The following HERC1 variants were observed in gnomAD, a reference collection of about 807,000 sequenced individuals.
HERC1 encodes the protein probable E3 ubiquitin-protein ligase HERC1.
A neutral mutation model predicts 554.3 loss-of-function variants in HERC1; 160 were observed. The observed-to-expected ratio is 0.29, with a 90% CI of 0.25 to 0.33. The LOEUF is 0.33. HERC1 is among the 10% of genes least tolerant of loss of function. The pLI is 1.00. For missense variants in HERC1, 4,919 were observed against 5,918.5 expected, an observed-to-expected ratio of 0.83 and a Z score of 5.54; for synonymous variants, 2,175 against 2,131.7, an observed-to-expected ratio of 1.02 and a Z score of -0.56.
intron 57 of HERC1, among the ~76,000 whole-genome samples, chr15:63,644,587 T>G (rs1467182130): frequency 6.6e-6 from 1 of 152,232 alleles, no homozygotes; most frequent in African/African-American, 2.4e-5. Context: ...GAGGGCTCTC[T>G]ATAAATATAT....
At chr15:63,656,791 T>C (rs1042535375) in intron 48 of HERC1, among the ~76,000 whole-genome samples, 3 of 152,214 alleles carry the variant, frequency 2.0e-5, no homozygotes, top group African/African-American at 7.2e-5. Flanking sequence ...TTTTGAACTT[T>C]ACATCAATTG....
In HERC1 at chr15:63,622,796, C is replaced by A; in HGVS notation, c.13688+19G>T. 1 of 1,561,770 alleles carries A rather than the reference C, an allele frequency of 6.4e-7. No homozygotes were observed. Among genetic ancestry groups the A allele is most frequent in the Non-Finnish European group, 8.7e-7 (1 of 1,149,018 alleles). The stretch of plus-strand genomic sequence containing the variant: ...ATTATTATTTTAGACATATAATGAA[C>A]ACTTGCTGACTGCCATACCTGTCCC... On this transcript the variant is annotated intron_variant, in intron 74 of 77. Transcript: ENST00000443617.
intron 46 of HERC1, 149 bp from the exon 47 acceptor site, chr15:63,660,085 G>A (rs559925796): frequency 1.0e-4 from 68 of 679,678 alleles, no homozygotes; most frequent in South Asian, 6.3e-4. Flanking sequence ...CTGGGAGGCC[G>A]AGGCGACTGG....
rs751271610 is a variant in HERC1, at chr15:63,680,791, G to A, written c.6226-15C>T. On this transcript the variant is annotated splice_polypyrimidine_tract_variant and intron_variant, in intron 34 of 77. Transcript: ENST00000443617. This position sits in a 1 kb window ranked among gnomAD's most constrained non-coding sequence, Gnocchi z 5.8. The stretch of plus-strand genomic sequence containing the variant: ...ACAATATAAAACTAAAATAAAAGTG[G>A]GATATTCATTAATACTCAAAAAATC... 1.9e-6 allele frequency: 3 copies of A among 1,584,522 alleles called. No homozygotes were observed. The highest frequency in any genetic ancestry group is 2.6e-6 in the Non-Finnish European group (3 of 1,153,844).
At chr15:63,656,430 A>T in intron 48 of HERC1, 72 bp from the exon 49 acceptor site, 1 of 1,307,684 alleles carries the variant, frequency 7.6e-7, no homozygotes, top group South Asian at 1.3e-5. Context: ...GCAGTCCCAC[A>T]TAACATTCAC....
chr15:63,643,249 A>T (rs1036198222), intron 58 of HERC1, among the ~76,000 whole-genome samples, 155 bp downstream of exon 58: 3 of 152,262 alleles, frequency 2.0e-5, no homozygotes, highest in African/African-American at 7.2e-5. Context: ...ATCATCAGTA[A>T]GAAAAATGTA....
intron 1 of HERC1, among the ~76,000 whole-genome samples, chr15:63,825,593 C>T (rs2077868962): frequency 6.6e-6 from 1 of 151,916 alleles, no homozygotes; most frequent in Admixed American, 6.6e-5. Flanking sequence ...CTTTTGTGGG[C>T]TTATTTTGTA....
Position 63,757,102 on chromosome 15 carries a change from C to T in HERC1, c.1222-354G>A, listed in dbSNP as rs144732371. 2.0e-5 allele frequency among the ~76,000 whole-genome samples: 3 copies of T among 150,830 alleles called. No homozygotes were observed. The East Asian group carries it at 5.8e-4, about 29-fold the overall frequency. ...TCCTTAGGGTACATTATGGCAAGAA[C>T]CATATAAAATGTATTCTAAACCTAT... On this transcript the variant is annotated intron_variant, in intron 4 of 77. Transcript: ENST00000443617.
At position 63,713,607 on chromosome 15, in the gene HERC1, T is replaced by G. The variant is rs1254596848; in HGVS notation, c.4209A>C (p.Arg1403Ser). The G allele has an allele frequency of 6.2e-7, 1 of 1,613,506 alleles. No homozygotes were observed. The highest frequency in any genetic ancestry group is 8.5e-7 in the Non-Finnish European group (1 of 1,179,730). The change falls in exon 23 of 78, where the codon AGA (arginine) becomes AGC (serine). Residue 1403 changes from arginine to serine, a missense_variant. Transcript: ENST00000443617. ...REVARSRDRDRMNSGAGSGAR... is the reference protein window; with the variant it reads ...REVARSRDRDSMNSGAGSGAR... ...CCCCAGACCCTGCCCCACTGTTCAT[T>G]CTATCTCGGTCTCGGCTACGAGCTA...
intron 24 of HERC1, among the ~76,000 whole-genome samples, chr15:63,711,241 C>T (rs141690240): frequency 6.8e-4 from 104 of 152,268 alleles, no homozygotes; most frequent in African/African-American, 2.4e-3. Context: ...AGGAGGATTG[C>T]TTGAGCTCAG....
At chr15:63,800,753 G>T (rs993229830) in intron 1 of HERC1, among the ~76,000 whole-genome samples, 1 of 152,138 alleles carries the variant, frequency 6.6e-6, no homozygotes, top group Non-Finnish European at 1.5e-5. Flanking sequence ...AATTTCCTTT[G>T]TGATAGGGGA....
At chr15:63,701,302 T>C (rs922442003) in intron 25 of HERC1, among the ~76,000 whole-genome samples, 8 of 152,202 alleles carry the variant, frequency 5.3e-5, no homozygotes, top group African/African-American at 1.9e-4. Flanking sequence ...AAATCACTGA[T>C]GGAAATTTCA....
chr15:63,814,757 C>A (rs1345995998), intron 1 of HERC1, among the ~76,000 whole-genome samples: 2 of 152,208 alleles, frequency 1.3e-5, no homozygotes. Context: ...GCGTGAGCCA[C>A]CACACACGGC....
rs751720475 is a variant in HERC1 at position 63,723,252 on chromosome 15, C to G, written c.3672G>C (p.Leu1224Phe). 14 of 1,599,778 alleles carry G rather than the reference C, an allele frequency of 8.8e-6. No homozygotes were observed. The highest frequency in any genetic ancestry group is 1.2e-5 in the Non-Finnish European group (14 of 1,172,380). ...LRPEIAVYVDLALGCSKEPAR... is the reference protein window; with the variant it reads ...LRPEIAVYVDFALGCSKEPAR... The stretch of plus-strand genomic sequence containing the variant: ...CAGGCTCTTTAGAACAACCCAATGC[C>G]AAGTCTACATAGACAGCAATTTCAG... Residue 1224 changes from leucine (L) to phenylalanine (F), a missense_variant, in exon 19 of 78, where the codon TTG becomes TTC. Leu to Phe is a conservative substitution (Grantham distance 22). Transcript: ENST00000443617.
At chr15:63,778,526 T>G (rs997006280) in intron 1 of HERC1, among the ~76,000 whole-genome samples, 1 of 151,530 alleles carries the variant, frequency 6.6e-6, no homozygotes, top group East Asian at 1.9e-4. Context: ...AACAACTGAG[T>G]GGTGAAGGGT....
chr15:63,827,791 A>G (rs1567169793), intron 1 of HERC1, among the ~76,000 whole-genome samples: 1 of 152,360 alleles, frequency 6.6e-6, no homozygotes. Flanking sequence ...ACATAACGGA[A>G]TAACATTCAG....
Position 63,669,622 on chromosome 15 carries a change from G to T in HERC1, c.8122C>A (p.Pro2708Thr). 4 of 1,613,872 alleles carry T rather than the reference G, an allele frequency of 2.5e-6. No homozygotes were observed. Among genetic ancestry groups the T allele is most frequent in the Non-Finnish European group, 3.4e-6 (4 of 1,179,752 alleles). ...CCTACTTCATCAGAAGGAGAGGTTG[G>T]TAACGAAGATATTGGAGGAGTCTGT... ...RAQTPPISSL[P>T]TSPSDEVGRR... Residue 2708 changes from proline to threonine, a missense_variant, in exon 40 of 78, where the codon CCA becomes ACA. Coordinates refer to ENST00000443617, the MANE Select transcript of HERC1 (RefSeq NM_003922.4).
intron 1 of HERC1, among the ~76,000 whole-genome samples, chr15:63,802,707 GA>G (rs1156561592): frequency 2.0e-5 from 3 of 152,052 alleles, no homozygotes; most frequent in African/African-American, 7.2e-5. Flanking sequence ...CAAGGAACTG[GA>G]AAAAAACCAA....
In HERC1 at chr15:63,680,156, G is replaced by T; in HGVS notation, c.6470C>A (p.Pro2157His). The change falls in exon 36 of 78, where the codon CCC becomes CAC. Residue 2157 changes from proline to histidine, a missense_variant. Coordinates refer to ENST00000443617, the MANE Select transcript of HERC1 (RefSeq NM_003922.4). This position sits in a 1 kb window ranked among gnomAD's most constrained non-coding sequence, Gnocchi z 5.8. ...ATCCACATCTTCAAAAGCTAATTTG[G>T]GTTCCTACAGTGTGGCAGCAGTGAG... is the stretch of plus-strand genomic sequence containing the variant. ...TISFGKNGEE[P>H]KLAFEDVDAA... The T allele has an allele frequency of 5.0e-6, 8 of 1,612,396 alleles. No homozygotes were observed. Among genetic ancestry groups the T allele is most frequent in the Non-Finnish European group, 6.8e-6 (8 of 1,178,954 alleles).
Sources: allele counts gnomAD v4.1 joint callset (sites outside exome capture counted in the v4.1 genomes callset), GRCh38; gene constraint gnomAD v4.1.1; non-coding constraint Gnocchi (gnomAD v3.1); transcripts MANE v1.5; gene names NCBI Gene and HGNC (gene_info 2026-07-23, HGNC 2026-07-21).